Variants in CDH4 observed in about 807,000 individuals in gnomAD.
The protein encoded by CDH4 is cadherin-4.
Under a neutral mutation model 86.0 loss-of-function variants are expected in CDH4, and 33 were observed. That is an observed-to-expected ratio of 0.38 (90% CI 0.29 to 0.51). The LOEUF (loss-of-function observed/expected upper bound fraction) is 0.51. Ranked by LOEUF, CDH4 falls within the 20% of genes least tolerant of loss-of-function variation. The probability of loss-of-function intolerance (pLI) is 0.86; values close to 1 mark genes in which losing one functional copy is unlikely to be tolerated. For missense variants in CDH4, 1,114 were observed against 1,307.4 expected (o/e 0.85, Z 2.28); for synonymous variants, 555 against 549.4 (o/e 1.01, Z -0.14).
intron 2 of CDH4, among the ~76,000 whole-genome samples, chr20:61,390,365 A>G (rs6061653): frequency 0.08 from 4,990 of 62,720 alleles, 24 homozygotes; most frequent in African/African-American, 0.17. Flanking sequence ...TTGGGTTCGT[A>G]CAGTCATAGG....
Position 61,259,510 on chromosome 20 carries a change from C to T in CDH4, c.169+4573C>T, listed in dbSNP as rs536616811. On this transcript the variant is annotated intron_variant, in intron 2 of 15. Coordinates refer to ENST00000614565, the MANE Select transcript of CDH4 (RefSeq NM_001794.5). ...TAGTCAAATAAAGTAATGAATGAGC[C>T]GGAAAATACTGACACTGTTCGTGTT... is the stretch of plus-strand genomic sequence containing the variant. 7.2e-5 allele frequency among the ~76,000 whole-genome samples: 11 copies of T among 152,330 alleles called. No individual in the cohort carries two copies. In the South Asian group the frequency reaches 1.9e-3, roughly 26 times the overall value.
At chr20:61,343,019 T>A (rs574911510) in intron 2 of CDH4, among the ~76,000 whole-genome samples, 2 of 152,184 alleles carry the variant, frequency 1.3e-5, no homozygotes, top group Non-Finnish European at 2.9e-5. Flanking sequence ...TGCTCTCAAA[T>A]AGACTTTTCC....
chr20:61,654,270 T>C (rs1460310676), intron 2 of CDH4, among the ~76,000 whole-genome samples: 5 of 151,988 alleles, frequency 3.3e-5, no homozygotes, highest in Admixed American at 3.3e-4. Context: ...CAAAAAAACA[T>C]GAAAACCAGT....
intron 2 of CDH4, among the ~76,000 whole-genome samples, chr20:61,654,486 G>A (rs1037580237): frequency 1.3e-5 from 2 of 152,162 alleles, no homozygotes; most frequent in Non-Finnish European, 2.9e-5. Flanking sequence ...AACTTTAATT[G>A]TTGATTAGTT....
intron 2 of CDH4, among the ~76,000 whole-genome samples, chr20:61,583,645 C>G (rs2086448686): frequency 6.6e-6 from 1 of 152,192 alleles, no homozygotes; most frequent in African/African-American, 2.4e-5. Context: ...CCTGATCTCT[C>G]TCCACTTTCC....
chr20:61,894,802 C>A (rs1268377184), intron 7 of CDH4, 108 bp from the exon 8 acceptor site: 10 of 1,242,806 alleles, frequency 8.0e-6, no homozygotes, highest in Middle Eastern at 2.0e-4. Flanking sequence ...GAAAGAGAAC[C>A]GGTTCCAGGA....
At chr20:61,823,289 A>ATAAGTGTGTG in intron 4 of CDH4, among the ~76,000 whole-genome samples, 3 of 1,336 alleles carry the variant, frequency 2.2e-3, no homozygotes, top group East Asian at 0.017. Context: ...TGTTGATGGT[A>ATAAGTGTGTG]ATGGTGATGA....
chr20:61,492,003 G>A (rs2085628641), intron 2 of CDH4, among the ~76,000 whole-genome samples: 1 of 151,624 alleles, frequency 6.6e-6, no homozygotes, highest in Non-Finnish European at 1.5e-5. Flanking sequence ...TGGTGTTGAT[G>A]TTGGTGGTGT....
chr20:61,591,626 T>G (rs947983063), intron 2 of CDH4, among the ~76,000 whole-genome samples: 1 of 152,248 alleles, frequency 6.6e-6, no homozygotes, highest in Non-Finnish European at 1.5e-5. Flanking sequence ...GGCAGTTTCC[T>G]GTTTCTTAAA....
chr20:61,654,980 C>T (rs187232276), intron 2 of CDH4, among the ~76,000 whole-genome samples: 16 of 152,300 alleles, frequency 1.1e-4, no homozygotes, highest in South Asian at 2.1e-4. Context: ...AACGCGTCTG[C>T]GGAGTCCCCA....
chr20:61,441,276 A>C (rs2085313875), intron 2 of CDH4, among the ~76,000 whole-genome samples: 1 of 152,222 alleles, frequency 6.6e-6, no homozygotes, highest in Admixed American at 6.5e-5. Flanking sequence ...CAGGGGTTTC[A>C]GAAGGAAAGG....
intron 2 of CDH4, among the ~76,000 whole-genome samples, chr20:61,587,400 G>A (rs753323635): frequency 1.4e-4 from 22 of 152,246 alleles, no homozygotes; most frequent in African/African-American, 3.9e-4. Context: ...GGACAGCAGG[G>A]GCACAGCCTG....
chr20:61,531,680 T>C (rs2145641924), intron 2 of CDH4, among the ~76,000 whole-genome samples: 1 of 152,300 alleles, frequency 6.6e-6, no homozygotes, highest in African/African-American at 2.4e-5. Flanking sequence ...CAGCGCCAAG[T>C]GCATGCGTGG....
At chr20:61,364,426 TC>T (rs2123324573) in intron 2 of CDH4, among the ~76,000 whole-genome samples, 1 of 152,216 alleles carries the variant, frequency 6.6e-6, no homozygotes, top group Admixed American at 6.5e-5. Context: ...AGCTCAGGGC[TC>T]CCCATGGCCT....
intron 2 of CDH4, among the ~76,000 whole-genome samples, chr20:61,637,626 A>T (rs530279268): frequency 2.2e-4 from 34 of 151,764 alleles, no homozygotes; most frequent in Non-Finnish European, 4.1e-4. Flanking sequence ...TACTTTCTTC[A>T]TGTCATGCTC....
intron 2 of CDH4, among the ~76,000 whole-genome samples, chr20:61,743,360 C>T (rs1415069261): frequency 1.3e-5 from 2 of 152,192 alleles, no homozygotes; most frequent in Non-Finnish European, 2.9e-5. Context: ...CTTTTCTTCC[C>T]CCCCTTTTTT....
At chr20:61,752,684 C>A (rs139695347) in intron 3 of CDH4, among the ~76,000 whole-genome samples, 1 of 152,140 alleles carries the variant, frequency 6.6e-6, no homozygotes, top group Non-Finnish European at 1.5e-5. Context: ...GAATATTATA[C>A]GGCAGTAAAA....
Position 61,595,687 on chromosome 20 carries a change from G to A in CDH4, c.170-147876G>A, listed in dbSNP as rs146564680. ...GAGGCACCACGTGCATGAAAGTAGC[G>A]AGGCTCGTTTCGATACTAGAGGCGG... On this transcript the variant is annotated intron_variant, in intron 2 of 15. Coordinates refer to ENST00000614565, the MANE Select transcript of CDH4 (RefSeq NM_001794.5). Among the ~76,000 whole-genome samples, 27 of 152,306 alleles carry A rather than the reference G, an allele frequency of 1.8e-4. No individual in the cohort carries two copies. In the South Asian group the frequency reaches 3.7e-3, roughly 21 times the overall value.
In CDH4 at chr20:61,803,016, C is replaced by T. The variant is rs1039109502; in HGVS notation, c.576+29834C>T. Among the ~76,000 whole-genome samples, 16 of 152,206 alleles carry T rather than the reference C, an allele frequency of 1.1e-4. No individual in the cohort carries two copies. The South Asian group carries it at 2.9e-3, about 28-fold the overall frequency. ...GGCGGCGTGTCTACCTTGTCACTGC[C>T]GGGGCCTGATTTACCAACAGGTCTG... On this transcript the variant is annotated intron_variant, in intron 4 of 15. Coordinates refer to ENST00000614565, the MANE Select transcript of CDH4 (RefSeq NM_001794.5).
Sources: gnomAD v4.1 joint callset for allele counts (sites outside exome capture counted in the v4.1 genomes callset) on GRCh38, gnomAD v4.1.1 for gene constraint, MANE v1.5 for transcripts, NCBI Gene and HGNC (gene_info 2026-07-23, HGNC 2026-07-21) for gene names.